The following BBX variants were observed in gnomAD, a reference collection of about 807,000 sequenced individuals.
BBX encodes BBX high mobility group box domain containing, also known as HMG box transcription factor BBX.
BBX carries 30 observed loss-of-function variants against 100.2 expected under a neutral mutation model. The ratio of observed to expected loss-of-function variants is 0.30; its 90% CI spans 0.22 to 0.41. The LOEUF (loss-of-function observed/expected upper bound fraction) is 0.41, where lower values mean the gene tolerates loss of function less well. Ranked by LOEUF, BBX falls within the 10% of genes least tolerant of loss-of-function variation. BBX has a pLI of 1.00. For missense variants in BBX, 1,023 were observed against 1,129.8 expected (o/e 0.91, Z 1.35); for synonymous variants, 376 against 388.1 (o/e 0.97, Z 0.37).
chr3:107,707,679 G>A (rs555988545), intron 3 of BBX, among the ~76,000 whole-genome samples: 1 of 152,260 alleles, frequency 6.6e-6, no homozygotes, highest in East Asian at 1.9e-4. Flanking sequence ...AGTGGTATGT[G>A]AGCTACGTGG....
intron 2 of BBX, among the ~76,000 whole-genome samples, chr3:107,600,577 G>C (rs2053992068): frequency 6.6e-6 from 1 of 152,176 alleles, no homozygotes; most frequent in Non-Finnish European, 1.5e-5. Context: ...AGACAGTAGT[G>C]CTTAAATCTT....
intron 15 of BBX, among the ~76,000 whole-genome samples, chr3:107,793,531 CTA>C (rs2069275270): frequency 6.6e-6 from 1 of 152,110 alleles, no homozygotes; most frequent in Non-Finnish European, 1.5e-5. Flanking sequence ...TGTGTAGTGA[CTA>C]TGTGCTTTGT....
intron 4 of BBX, among the ~76,000 whole-genome samples, chr3:107,715,852 A>G (rs937940331): frequency 6.6e-6 from 1 of 152,240 alleles, no homozygotes; most frequent in African/African-American, 2.4e-5. Flanking sequence ...AGTGTAGGAT[A>G]AAAGAGGATT....
chr3:107,575,123 C>T (rs938665197), intron 2 of BBX, among the ~76,000 whole-genome samples: 2 of 152,154 alleles, frequency 1.3e-5, no homozygotes, highest in African/African-American at 2.4e-5. Flanking sequence ...AAAAACAATT[C>T]GTCTCAGTGA....
chr3:107,606,008 A>G (rs771758944), intron 2 of BBX, among the ~76,000 whole-genome samples: 4 of 152,200 alleles, frequency 2.6e-5, no homozygotes, highest in Non-Finnish European at 5.9e-5. Context: ...CTCCAATGAT[A>G]TAGTAAAAGT....
At position 107,663,659 on chromosome 3, in the gene BBX, C is replaced by G. The variant is rs78150555; in HGVS notation, c.-10+17750C>G. ...TTTTCTTCTGCAACAACTATTTTTC[C>G]TGCTCAACATCGTATTTGACTCATT... On this transcript the variant is annotated intron_variant, in intron 3 of 17. Transcript: ENST00000325805. Among the ~76,000 whole-genome samples the G allele has an allele frequency of 1.1e-3, 165 of 152,068 alleles. 3 individuals are homozygous for G. Among genetic ancestry groups the G allele is most frequent in the East Asian group, 6.0e-3 (31 of 5,182 alleles).
chr3:107,801,145 A>G lies in BBX; in HGVS notation c.2602A>G (p.Thr868Ala). ...GAGGAGTCTCCCTAAAGCAACTGAG[A>G]CAGACTGCAATGACAAATGCTCACA... The part of the protein sequence containing the change: ...LQRSLPKATE[T>A]DCNDKCSHNT... The change falls in exon 17 of 18, where the codon ACA becomes GCA. Residue 868 changes from threonine (T) to alanine (A), a missense_variant. Thr to Ala is a moderately conservative substitution (Grantham distance 58). This residue lies in a region of BBX where 104 missense variants were observed against 132.2 expected (regional missense o/e 0.79). Transcript: ENST00000325805. 2 of 1,614,228 alleles carry G rather than the reference A, an allele frequency of 1.2e-6. No homozygotes were observed. The highest frequency in any genetic ancestry group is 1.7e-5 in the Admixed American group (1 of 60,024).
chr3:107,726,136 A>G (rs557506185), intron 5 of BBX, among the ~76,000 whole-genome samples: 126 of 152,110 alleles, frequency 8.3e-4, no homozygotes, highest in African/African-American at 2.9e-3. Flanking sequence ...AGAGGAGTAT[A>G]CAGAGTCTTC....
At chr3:107,730,278 C>A (rs2063224627) in intron 6 of BBX, among the ~76,000 whole-genome samples, 1 of 152,098 alleles carries the variant, frequency 6.6e-6, no homozygotes, top group African/African-American at 2.4e-5. Flanking sequence ...AGCTTCAAAT[C>A]ATTTGTTATT....
intron 16 of BBX, among the ~76,000 whole-genome samples, chr3:107,798,982 C>G (rs1446076401): frequency 4.0e-5 from 6 of 151,868 alleles, no homozygotes; most frequent in African/African-American, 1.4e-4. Flanking sequence ...AACCCCATCT[C>G]TACTAAAAAT....
chr3:107,606,834 GA>G (rs1182065046), intron 2 of BBX, among the ~76,000 whole-genome samples: 2 of 151,960 alleles, frequency 1.3e-5, no homozygotes, highest in Non-Finnish European at 2.9e-5. Context: ...TTAAATGTAT[GA>G]TTAAATTATT....
chr3:107,542,656 A>G (rs1418453956), intron 2 of BBX, among the ~76,000 whole-genome samples: 1 of 152,234 alleles, frequency 6.6e-6, no homozygotes, highest in Non-Finnish European at 1.5e-5. Context: ...CCTGTGAAGT[A>G]GGAACTATTA....
intron 10 of BBX, among the ~76,000 whole-genome samples, chr3:107,764,967 GA>G (rs909739659): frequency 6.6e-6 from 1 of 152,148 alleles, no homozygotes; most frequent in Non-Finnish European, 1.5e-5. Flanking sequence ...CCCCAAAGTA[GA>G]ACTGAGCTTT....
intron 3 of BBX, among the ~76,000 whole-genome samples, chr3:107,666,898 G>A (rs1379391378): frequency 6.6e-6 from 1 of 152,134 alleles, no homozygotes; most frequent in African/African-American, 2.4e-5. Flanking sequence ...ATTATTGAAA[G>A]CCTAGCTGTT....
chr3:107,526,439 A>G, intron 2 of BBX, 41 bp downstream of exon 2: 2 of 398,464 alleles, frequency 5.0e-6, no homozygotes. Flanking sequence ...CAGGATGACA[A>G]TTAGTAATGA....
chr3:107,745,699 C>T (rs558994581), intron 8 of BBX, among the ~76,000 whole-genome samples: 15 of 152,146 alleles, frequency 9.9e-5, no homozygotes, highest in Admixed American at 7.2e-4. Context: ...GGCGATCGTC[C>T]CACCTCAGCC....
intron 3 of BBX, among the ~76,000 whole-genome samples, chr3:107,648,655 T>C (rs550307088): frequency 2.2e-4 from 33 of 152,208 alleles, no homozygotes; most frequent in Non-Finnish European, 4.6e-4. Context: ...GCTTAACAGT[T>C]GCATCCGGGA....
intron 13 of BBX, among the ~76,000 whole-genome samples, chr3:107,779,884 G>A (rs1051788207): frequency 1.3e-5 from 2 of 152,066 alleles, no homozygotes; most frequent in Non-Finnish European, 2.9e-5. Context: ...TCCCCTTCAT[G>A]ATTAAAGCCA....
intron 2 of BBX, among the ~76,000 whole-genome samples, chr3:107,620,654 C>G (rs950531310): frequency 6.6e-6 from 1 of 152,166 alleles, no homozygotes; most frequent in African/African-American, 2.4e-5. Context: ...TCCTGCTGGG[C>G]AGGGGCACAG....
Sources: gnomAD v4.1 joint callset for allele counts (sites outside exome capture counted in the v4.1 genomes callset) on GRCh38, gnomAD v4.1.1 for gene constraint, gnomAD v4.1.1 regional missense constraint, MANE v1.5 for transcripts, NCBI Gene and HGNC (gene_info 2026-07-23, HGNC 2026-07-21) for gene names.